Variants in UBE2E2 observed in about 807,000 individuals in gnomAD.
The protein encoded by UBE2E2 is ubiquitin-conjugating enzyme E2 E2.
Under a neutral mutation model 24.7 loss-of-function variants are expected in UBE2E2, and 6 were observed. That is an observed-to-expected ratio of 0.24 (90% CI 0.13 to 0.48). The LOEUF (loss-of-function observed/expected upper bound fraction) is 0.48, where lower values mean the gene tolerates loss of function less well. UBE2E2 is among the 20% of genes least tolerant of loss of function. UBE2E2 has a pLI of 0.99. For synonymous variants in UBE2E2, 104 were observed against 83.6 expected (o/e 1.24, Z -1.33); for missense variants, 169 against 245.0 (o/e 0.69, Z 2.07).
chr3:23,484,117 A>G (rs1271227171), intron 3 of UBE2E2, among the ~76,000 whole-genome samples: 1 of 152,204 alleles, frequency 6.6e-6, no homozygotes, highest in Non-Finnish European at 1.5e-5. Flanking sequence ...ATCCTGGTAT[A>G]TCTGCTGTTC....
At chr3:23,433,498 A>G (rs1698113496) in intron 3 of UBE2E2, among the ~76,000 whole-genome samples, 1 of 152,022 alleles carries the variant, frequency 6.6e-6, no homozygotes, top group Admixed American at 6.5e-5. Flanking sequence ...GGTTGGCACT[A>G]TGAATTGGTT....
chr3:23,506,254 C>G (rs1391756), intron 4 of UBE2E2, among the ~76,000 whole-genome samples: 27,150 of 152,156 alleles, frequency 0.18, 2,477 homozygotes, highest in Middle Eastern at 0.23. Flanking sequence ...TTCTTTCTTA[C>G]ATTTTGAATT....
At position 23,312,715 on chromosome 3, in the gene UBE2E2, CTTAT is replaced by C. The variant is rs1469832603; in HGVS notation, c.227+95406_227+95409del. 6.6e-5 allele frequency among the ~76,000 whole-genome samples: 10 copies of C among 152,072 alleles called. No homozygotes were observed. The South Asian group carries it at 2.1e-3, about 32-fold the overall frequency. ...CTAGTTAAGATGCATCCTTGGGTGG[CTTAT>C]TTGAGTTCTTTTTTGACGTAGGCAA... On this transcript the variant is annotated intron_variant, in intron 3 of 5. Coordinates refer to ENST00000396703, the MANE Select transcript of UBE2E2 (RefSeq NM_152653.4).
chr3:23,443,949 A>T (rs1698364456), intron 3 of UBE2E2, among the ~76,000 whole-genome samples: 1 of 152,068 alleles, frequency 6.6e-6, no homozygotes, highest in Admixed American at 6.5e-5. Flanking sequence ...TGTCCGAAAG[A>T]CTTTAGACGG....
At chr3:23,203,693 C>A (rs1696037360) in intron 1 of UBE2E2, among the ~76,000 whole-genome samples, 1 of 139,414 alleles carries the variant, frequency 7.2e-6, no homozygotes, top group African/African-American at 2.7e-5. Flanking sequence ...TTCCCATCCC[C>A]CCCTTCTGCC....
chr3:23,450,581 T>G (rs1454586252), intron 3 of UBE2E2, among the ~76,000 whole-genome samples: 1 of 152,198 alleles, frequency 6.6e-6, no homozygotes, highest in Non-Finnish European at 1.5e-5. Context: ...AATTAAGAAT[T>G]CTGATATCAA....
At chr3:23,539,807 A>AT (rs982793964) in intron 5 of UBE2E2, among the ~76,000 whole-genome samples, 9 of 151,954 alleles carry the variant, frequency 5.9e-5, no homozygotes, top group Admixed American at 2.6e-4. Flanking sequence ...GATCAGACTG[A>AT]TTTTTTTTAA....
chr3:23,275,597 T>C (rs934068641), intron 3 of UBE2E2, among the ~76,000 whole-genome samples: 1 of 152,214 alleles, frequency 6.6e-6, no homozygotes, highest in African/African-American at 2.4e-5. Context: ...ACAGTGGGTT[T>C]GTAAAGTATG....
intron 3 of UBE2E2, among the ~76,000 whole-genome samples, chr3:23,265,082 T>G (rs893045882): frequency 6.6e-6 from 1 of 152,008 alleles, no homozygotes; most frequent in Non-Finnish European, 1.5e-5. Context: ...TAGAAGCAAA[T>G]TGCAAAGGGA....
intron 4 of UBE2E2, among the ~76,000 whole-genome samples, chr3:23,527,741 G>C (rs139262267): frequency 6.6e-6 from 1 of 151,988 alleles, no homozygotes; most frequent in Admixed American, 6.6e-5. Context: ...TAAAAGCAAG[G>C]TTCAGAGAGG....
intron 5 of UBE2E2, among the ~76,000 whole-genome samples, chr3:23,588,155 A>G (rs1456489504): frequency 2.6e-5 from 4 of 152,290 alleles, no homozygotes; most frequent in East Asian, 1.9e-4. Flanking sequence ...TGGGCCACAG[A>G]CGTAGTTCCA....
intron 3 of UBE2E2, among the ~76,000 whole-genome samples, chr3:23,329,508 T>C (rs1695003744): frequency 6.6e-6 from 1 of 152,252 alleles, no homozygotes; most frequent in Non-Finnish European, 1.5e-5. Flanking sequence ...TGTAAATGAA[T>C]TGACGCAAGG....
intron 4 of UBE2E2, among the ~76,000 whole-genome samples, chr3:23,528,811 C>G (rs957896773): frequency 6.6e-6 from 1 of 152,134 alleles, no homozygotes; most frequent in African/African-American, 2.4e-5. Flanking sequence ...AGGTATTTCC[C>G]CTCCTGTCTG....
At chr3:23,486,190 C>T (rs149953506) in intron 3 of UBE2E2, among the ~76,000 whole-genome samples, 87 of 152,318 alleles carry the variant, frequency 5.7e-4, no homozygotes, top group African/African-American at 2.0e-3. Flanking sequence ...CCACTGTGCA[C>T]AGCCAGGTAC....
At chr3:23,476,616 A>G (rs2125438557) in intron 3 of UBE2E2, among the ~76,000 whole-genome samples, 1 of 152,266 alleles carries the variant, frequency 6.6e-6, no homozygotes, top group South Asian at 2.1e-4. Context: ...GATTGAGCCC[A>G]GATCAAGGCT....
intron 3 of UBE2E2, among the ~76,000 whole-genome samples, chr3:23,434,097 T>TA (rs1334546868): frequency 6.6e-6 from 1 of 152,080 alleles, no homozygotes; most frequent in Non-Finnish European, 1.5e-5. Flanking sequence ...GCTATTTGAG[T>TA]AAAAGTTAAT....
chr3:23,231,267 C>A lies in UBE2E2; in HGVS notation c.227+13955C>A, dbSNP rs1200253286. Among the ~76,000 whole-genome samples the A allele has an allele frequency of 2.6e-5, 4 of 152,134 alleles. No individual in the cohort carries two copies. In the East Asian group the frequency reaches 7.7e-4, roughly 29 times the overall value. On this transcript the variant is annotated intron_variant, in intron 3 of 5. Transcript: ENST00000396703. ...GTAGGTAATTTATATACTTCATTGG[C>A]CCACTTAAAGCAGCTTGTATACTTG...
chr3:23,424,414 C>T (rs953422261), intron 3 of UBE2E2, among the ~76,000 whole-genome samples: 2 of 150,432 alleles, frequency 1.3e-5, no homozygotes, highest in African/African-American at 4.9e-5. Context: ...GAGGAGAGCA[C>T]ATATTAACTG....
intron 3 of UBE2E2, among the ~76,000 whole-genome samples, chr3:23,460,045 G>A (rs1337267394): frequency 6.6e-6 from 1 of 152,192 alleles, no homozygotes; most frequent in South Asian, 2.1e-4. Context: ...CTGGCAAGAA[G>A]ATTAAGTGAC....
Sources: allele counts gnomAD v4.1 joint callset (sites outside exome capture counted in the v4.1 genomes callset), GRCh38; gene constraint gnomAD v4.1.1; transcripts MANE v1.5; gene names NCBI Gene and HGNC (gene_info 2026-07-23, HGNC 2026-07-21).